The following KCNIP4 variants were observed in gnomAD, a reference collection of about 807,000 sequenced individuals.
KCNIP4 encodes the protein Kv channel-interacting protein 4.
KCNIP4 carries 12 observed loss-of-function variants against 34.0 expected under a neutral mutation model. That is an observed-to-expected ratio of 0.35 (90% CI 0.23 to 0.57). The LOEUF (loss-of-function observed/expected upper bound fraction) is 0.57, where lower values mean the gene tolerates loss of function less well. KCNIP4 is among the 20% of genes least tolerant of loss of function. The pLI, the probability that KCNIP4 is intolerant of heterozygous loss-of-function variation, is 0.83. For missense variants in KCNIP4, 238 were observed against 311.7 expected, an observed-to-expected ratio of 0.76 and a Z score of 1.78; for synonymous variants, 124 against 102.2, an observed-to-expected ratio of 1.21 and a Z score of -1.29.
At chr4:21,395,969 G>C (rs187920380) in intron 1 of KCNIP4, among the ~76,000 whole-genome samples, 80 of 151,858 alleles carry the variant, frequency 5.3e-4, no homozygotes, top group African/African-American at 1.9e-3. Context: ...TTTACTTTAC[G>C]TAAAGGGCTA....
chr4:21,664,707 T>C (rs1748706189), intron 1 of KCNIP4, among the ~76,000 whole-genome samples: 1 of 152,156 alleles, frequency 6.6e-6, no homozygotes, highest in African/African-American at 2.4e-5. Context: ...ACTCGAGAGT[T>C]GAAAAATAAC....
chr4:21,907,106 T>C (rs932684853), intron 1 of KCNIP4, among the ~76,000 whole-genome samples: 18 of 152,096 alleles, frequency 1.2e-4, no homozygotes, highest in Non-Finnish European at 2.6e-4. Context: ...ACAATTCACG[T>C]GCTGGAAATG....
At chr4:21,887,696 T>C (rs992205152) in intron 1 of KCNIP4, among the ~76,000 whole-genome samples, 3 of 152,154 alleles carry the variant, frequency 2.0e-5, no homozygotes, top group Admixed American at 2.0e-4. Flanking sequence ...TGAAGATGAT[T>C]CAGCCTTCTG....
At chr4:20,851,725 A>G (rs1205025000) in intron 2 of KCNIP4, among the ~76,000 whole-genome samples, 1 of 152,174 alleles carries the variant, frequency 6.6e-6, no homozygotes, top group Non-Finnish European at 1.5e-5. Context: ...TTAGAAAAAC[A>G]TAGAAGATCA....
intron 1 of KCNIP4, among the ~76,000 whole-genome samples, chr4:21,400,555 C>A (rs1317132237): frequency 1.2e-5 from 1 of 86,720 alleles, no homozygotes. Flanking sequence ...CTTCTCTTCT[C>A]TTCTCTTCTC....
At chr4:21,126,696 C>T (rs1159872978) in intron 1 of KCNIP4, among the ~76,000 whole-genome samples, 1 of 148,736 alleles carries the variant, frequency 6.7e-6, no homozygotes, top group Non-Finnish European at 1.5e-5. Flanking sequence ...AAGAGTGTTT[C>T]TGGAAGGGAT....
At chr4:21,313,577 A>G (rs559740991) in intron 1 of KCNIP4, among the ~76,000 whole-genome samples, 1 of 152,352 alleles carries the variant, frequency 6.6e-6, no homozygotes, top group East Asian at 1.9e-4. Context: ...CTAATTAAGT[A>G]TATATTTTAT....
chr4:21,221,936 G>T (rs1307111631), intron 1 of KCNIP4, among the ~76,000 whole-genome samples: 7 of 152,090 alleles, frequency 4.6e-5, no homozygotes, highest in Admixed American at 4.6e-4. Flanking sequence ...TTCATGTAAA[G>T]TTCTGAAAAC....
At chr4:20,749,493 A>G (rs1753183884) in intron 5 of KCNIP4, among the ~76,000 whole-genome samples, 169 bp downstream of exon 5, 1 of 152,186 alleles carries the variant, frequency 6.6e-6, no homozygotes, top group Admixed American at 6.5e-5. Flanking sequence ...TGTGGCTTGC[A>G]ATTTGTACAT....
At chr4:21,578,687 G>A (rs777132543) in intron 1 of KCNIP4, among the ~76,000 whole-genome samples, 20 of 152,188 alleles carry the variant, frequency 1.3e-4, no homozygotes, top group Non-Finnish European at 2.4e-4. Flanking sequence ...CTTCCAGTTC[G>A]AGTATAATGC....
intron 1 of KCNIP4, among the ~76,000 whole-genome samples, chr4:21,122,841 C>T (rs1750280894): frequency 6.6e-6 from 1 of 152,150 alleles, no homozygotes; most frequent in East Asian, 1.9e-4. Flanking sequence ...ACCTGAAGGA[C>T]TCTAGAGATG....
At chr4:20,834,149 G>T (rs539867951) in intron 3 of KCNIP4, among the ~76,000 whole-genome samples, 1 of 152,302 alleles carries the variant, frequency 6.6e-6, no homozygotes, top group East Asian at 1.9e-4. Flanking sequence ...AGATATTCCA[G>T]AGAAGAGTAA....
intron 1 of KCNIP4, chr4:21,697,293 T>A: frequency 7.2e-7 from 1 of 1,387,782 alleles, no homozygotes; most frequent in African/African-American, 1.7e-5. Flanking sequence ...TCAACTTCAT[T>A]ACCATGCTCT....
chr4:21,363,090 G>C (rs1719392295), intron 1 of KCNIP4, among the ~76,000 whole-genome samples: 1 of 152,032 alleles, frequency 6.6e-6, no homozygotes, highest in African/African-American at 2.4e-5. Context: ...TTTTGCAAAT[G>C]AGAAAACAGA....
At chr4:20,730,662 G>A (rs553195065) in intron 8 of KCNIP4, among the ~76,000 whole-genome samples, 1 of 152,258 alleles carries the variant, frequency 6.6e-6, no homozygotes, top group African/African-American at 2.4e-5. Context: ...AAGCTGCATG[G>A]CCTGAAGGAG....
rs1256753502 is a variant in KCNIP4 at position 20,851,990 on chromosome 4, G to T, written c.164-1323C>A. The stretch of plus-strand genomic sequence containing the variant: ...TGATGGCACCACTGCAGTCCAGTTT[G>T]GGTGACAGCATGAGACCCTGTCTCA... On this transcript the variant is annotated intron_variant, in intron 2 of 8. Coordinates refer to ENST00000382152, the MANE Select transcript of KCNIP4 (RefSeq NM_025221.6). Among the ~76,000 whole-genome samples the T allele has an allele frequency of 3.3e-5, 5 of 152,030 alleles. No homozygotes were observed. The East Asian group carries it at 7.7e-4, about 24-fold the overall frequency.
intron 1 of KCNIP4, among the ~76,000 whole-genome samples, chr4:20,969,956 T>C (rs12503684): frequency 0.018 from 2,772 of 151,994 alleles, 44 homozygotes; most frequent in Middle Eastern, 0.048. Context: ...GTTTTTTTTT[T>C]TTTGAGACGG....
intron 1 of KCNIP4, among the ~76,000 whole-genome samples, chr4:20,905,224 T>A (rs1465099997): frequency 6.6e-6 from 1 of 152,178 alleles, no homozygotes; most frequent in Admixed American, 6.5e-5. Context: ...CCTCTCTTTT[T>A]GTCTTGTATC....
intron 1 of KCNIP4, among the ~76,000 whole-genome samples, chr4:21,735,309 T>C (rs977688892): frequency 3.9e-5 from 6 of 152,138 alleles, no homozygotes; most frequent in Non-Finnish European, 5.9e-5. Flanking sequence ...TCACTGAACA[T>C]AGCAATTATT....
Sources: allele counts gnomAD v4.1 joint callset (sites outside exome capture counted in the v4.1 genomes callset), GRCh38; gene constraint gnomAD v4.1.1; transcripts MANE v1.5; gene names NCBI Gene and HGNC (gene_info 2026-07-23, HGNC 2026-07-21).